Variants in BICD1 observed in about 807,000 individuals in gnomAD.
BICD1 encodes the protein protein bicaudal D homolog 1.
A neutral mutation model predicts 92.5 loss-of-function variants in BICD1; 35 were observed. The observed-to-expected ratio is 0.38, with a 90% confidence interval of 0.29 to 0.50. The LOEUF (loss-of-function observed/expected upper bound fraction) is 0.50. BICD1 is among the 20% of genes least tolerant of loss of function. The pLI is 0.93. For synonymous variants in BICD1, 429 were observed against 465.1 expected (o/e 0.92, Z 1.00); for missense variants, 950 against 1,189.8 (o/e 0.80, Z 2.97).
intron 1 of BICD1, among the ~76,000 whole-genome samples, chr12:32,123,513 G>A (rs1942225663): frequency 6.6e-6 from 1 of 152,220 alleles, no homozygotes; most frequent in African/African-American, 2.4e-5. Flanking sequence ...CACCATAGCA[G>A]GTGTTTAATA....
intron 1 of BICD1, among the ~76,000 whole-genome samples, chr12:32,211,159 T>A (rs1945201744): frequency 1.3e-5 from 2 of 152,230 alleles, no homozygotes; most frequent in Admixed American, 1.3e-4. Flanking sequence ...CAAATGCAGA[T>A]CATGAGGCAC....
chr12:32,113,683 A>G (rs906319279), intron 1 of BICD1, among the ~76,000 whole-genome samples: 1 of 148,658 alleles, frequency 6.7e-6, no homozygotes, highest in Non-Finnish European at 1.5e-5. Context: ...AACTGGGACT[A>G]CAGGAGCATA....
At chr12:32,191,387 C>A (rs1479517899) in intron 1 of BICD1, among the ~76,000 whole-genome samples, 1 of 151,504 alleles carries the variant, frequency 6.6e-6, no homozygotes, top group Non-Finnish European at 1.5e-5. Context: ...ACAGGCATAC[C>A]TTGGTTTATT....
intron 8 of BICD1, among the ~76,000 whole-genome samples, chr12:32,357,806 T>C (rs886667756): frequency 5.3e-5 from 8 of 152,224 alleles, no homozygotes; most frequent in African/African-American, 1.4e-4. Context: ...GGGCCAACTC[T>C]AACAGTGTCA....
intron 3 of BICD1, among the ~76,000 whole-genome samples, chr12:32,303,513 C>A (rs10844177): frequency 0.17 from 25,439 of 152,094 alleles, 2,722 homozygotes; most frequent in African/African-American, 0.29. Context: ...TTCACTCCTC[C>A]TCGCAGCCAA....
At chr12:32,111,717 C>A (rs980028974) in intron 1 of BICD1, among the ~76,000 whole-genome samples, 7 of 150,550 alleles carry the variant, frequency 4.6e-5, no homozygotes, top group Admixed American at 2.0e-4. Flanking sequence ...ACGCCATTCT[C>A]CTGCCTCAGC....
chr12:32,292,281 G>A (rs1418841936), intron 2 of BICD1, among the ~76,000 whole-genome samples: 2 of 152,124 alleles, frequency 1.3e-5, no homozygotes, highest in African/African-American at 4.8e-5. Context: ...CCATGGTCAC[G>A]TGGCCATCTT....
chr12:32,315,234 G>A (rs1422689136), intron 4 of BICD1, among the ~76,000 whole-genome samples: 1 of 152,060 alleles, frequency 6.6e-6, no homozygotes, highest in Non-Finnish European at 1.5e-5. Flanking sequence ...TTCCCCTATT[G>A]AATTATCTTT....
chr12:32,231,490 A>G (rs2650143), intron 2 of BICD1, among the ~76,000 whole-genome samples: 74,166 of 151,498 alleles, frequency 0.49, 18,597 homozygotes, highest in South Asian at 0.62. Context: ...AAATATTCCC[A>G]GAATCCAAAT....
chr12:32,270,622 G>A (rs752086869), intron 2 of BICD1, among the ~76,000 whole-genome samples: 40 of 152,214 alleles, frequency 2.6e-4, no homozygotes, highest in Middle Eastern at 3.4e-3. Flanking sequence ...AAGTTTTTAC[G>A]TAAAACTATG....
At chr12:32,316,667 A>G (rs10844179) in intron 4 of BICD1, among the ~76,000 whole-genome samples, 112,070 of 151,718 alleles carry the variant, frequency 0.74, 41,821 homozygotes, top group Middle Eastern at 0.91. Flanking sequence ...GTTGAGGAGC[A>G]TCTGTATACA....
At chr12:32,203,864 A>G (rs2121549605) in intron 1 of BICD1, among the ~76,000 whole-genome samples, 1 of 152,270 alleles carries the variant, frequency 6.6e-6, no homozygotes, top group South Asian at 2.1e-4. Context: ...TGTAACTAAC[A>G]ATTAGGAAAC....
chr12:32,145,425 T>C (rs1943073063), intron 1 of BICD1, among the ~76,000 whole-genome samples: 1 of 152,232 alleles, frequency 6.6e-6, no homozygotes, highest in Non-Finnish European at 1.5e-5. Context: ...TTGTGATGTA[T>C]TGACTGTCAA....
chr12:32,172,619 C>T (rs1455056962), intron 1 of BICD1, among the ~76,000 whole-genome samples: 1 of 152,170 alleles, frequency 6.6e-6, no homozygotes, highest in Non-Finnish European at 1.5e-5. Context: ...CCTTATGTCA[C>T]TCCTGACATG....
chr12:32,322,929 A>G (rs1948694722), intron 4 of BICD1, among the ~76,000 whole-genome samples: 1 of 152,212 alleles, frequency 6.6e-6, no homozygotes, highest in Non-Finnish European at 1.5e-5. Context: ...CTTATCTGTA[A>G]TCATGTGTAC....
chr12:32,344,253 C>T (rs1025799675), intron 8 of BICD1, among the ~76,000 whole-genome samples: 8 of 152,040 alleles, frequency 5.3e-5, no homozygotes, highest in African/African-American at 9.7e-5. Flanking sequence ...AGGTATGGGT[C>T]GTAAGAAGAA....
At chr12:32,326,098 AAAAG>A (rs1948773026) in intron 4 of BICD1, among the ~76,000 whole-genome samples, 2 of 151,052 alleles carry the variant, frequency 1.3e-5, no homozygotes, top group Non-Finnish European at 2.9e-5. Context: ...AAAAAAAAAA[AAAAG>A]AAAGTTTGAA....
At chr12:32,305,622 A>G in intron 3 of BICD1, 75 bp from the exon 4 acceptor site, 1 of 1,351,210 alleles carries the variant, frequency 7.4e-7, no homozygotes, top group South Asian at 1.5e-5. Context: ...GATTAGGTCC[A>G]CTAGAGTGTT....
chr12:32,224,201 C>G (rs1334971329), intron 2 of BICD1, among the ~76,000 whole-genome samples: 2 of 152,172 alleles, frequency 1.3e-5, no homozygotes, highest in Non-Finnish European at 2.9e-5. Flanking sequence ...TTTTCTGTTT[C>G]CTGGCCTGTT....
Sources: allele counts gnomAD v4.1 joint callset (sites outside exome capture counted in the v4.1 genomes callset), GRCh38; gene constraint gnomAD v4.1.1; transcripts MANE v1.5; gene names NCBI Gene and HGNC (gene_info 2026-07-23, HGNC 2026-07-21).